The following SHCBP1L variants were observed in gnomAD, a reference collection of about 807,000 sequenced individuals.
SHCBP1L encodes testicular spindle-associated protein SHCBP1L.
A neutral mutation model predicts 62.5 loss-of-function variants in SHCBP1L; 67 were observed. That is an observed-to-expected ratio of 1.07 (90% CI 0.88 to 1.31). SHCBP1L has a LOEUF of 1.31. Ranked by LOEUF, SHCBP1L falls within the 40% of genes most tolerant of loss-of-function variation. SHCBP1L has a pLI of 0.00. For missense variants in SHCBP1L, 823 were observed against 809.8 expected (o/e 1.02, Z -0.20); for synonymous variants, 284 against 289.4 (o/e 0.98, Z 0.19).
intron 5 of SHCBP1L, 67 bp from the exon 6 acceptor site, chr1:182,929,819 A>G: frequency 8.9e-7 from 1 of 1,127,250 alleles, no homozygotes; most frequent in Non-Finnish European, 1.3e-6. Context: ...CCTTACTTGT[A>G]AATAAAAACT....
chr1:182,910,074 G>C (rs1650131082), intron 6 of SHCBP1L, among the ~76,000 whole-genome samples: 1 of 152,226 alleles, frequency 6.6e-6, no homozygotes, highest in South Asian at 2.1e-4. Flanking sequence ...TCAGGAAGGA[G>C]AGAGTAGAGA....
rs114407636 is a variant in SHCBP1L at position 182,933,753 on chromosome 1, G to A, written c.1077-4001C>T. 2.4e-3 allele frequency among the ~76,000 whole-genome samples: 370 copies of A among 152,128 alleles called. 2 individuals are homozygous for A. The highest frequency in any genetic ancestry group is 3.7e-3 in the Non-Finnish European group (249 of 67,976). ...CTCCATTTGTTAGTATTTTGTTGAG[G>A]ATTTTGTATCTATATTCATTAGTGA... On this transcript the variant is annotated intron_variant, in intron 5 of 9. Transcript: ENST00000367547.
At chr1:182,942,450 G>A (rs934285957) in intron 2 of SHCBP1L, 7 of 673,874 alleles carry the variant, frequency 1.0e-5, no homozygotes, top group Non-Finnish European at 1.6e-5. Flanking sequence ...GCCGTGGCGC[G>A]CCGAGAGCCT....
chr1:182,923,055 C>T (rs990938382), intron 6 of SHCBP1L, among the ~76,000 whole-genome samples: 13 of 152,080 alleles, frequency 8.5e-5, no homozygotes, highest in Admixed American at 3.3e-4. Flanking sequence ...GACATTACTA[C>T]TGACACCACA....
At chr1:182,931,938 C>A (rs1014096360) in intron 5 of SHCBP1L, among the ~76,000 whole-genome samples, 4 of 127,760 alleles carry the variant, frequency 3.1e-5, no homozygotes, top group Admixed American at 7.6e-5. Flanking sequence ...ACTTGGGAAC[C>A]ACTGATTTTT....
chr1:182,907,406 C>T (rs148290560), intron 6 of SHCBP1L, among the ~76,000 whole-genome samples: 5,796 of 144,458 alleles, frequency 0.04, 290 homozygotes, highest in African/African-American at 0.11. Flanking sequence ...GCACTCCAGC[C>T]TGGGCAACAA....
chr1:182,932,126 T>A (rs1651024977), intron 5 of SHCBP1L, among the ~76,000 whole-genome samples: 1 of 151,648 alleles, frequency 6.6e-6, no homozygotes, highest in African/African-American at 2.4e-5. Context: ...TTTTTAGTGC[T>A]GAATAACATT....
At position 182,952,841 on chromosome 1, in the gene SHCBP1L, T is replaced by G. The variant is rs750125299; in HGVS notation, c.293A>C (p.Glu98Ala). Residue 98 changes from glutamate (E) to alanine (A), a missense_variant, in exon 1 of 10, where the codon GAG becomes GCG. Glu to Ala is a moderately radical substitution (Grantham distance 107). Coordinates refer to ENST00000367547, the MANE Select transcript of SHCBP1L (RefSeq NM_030933.4). Reference sequence around the variant, plus strand: ...CAGGGGCTGCGCCTCCTCTTCATCCTCAGGCACTGGCAGCAGGGGCTCCTC... The same window carrying G: ...CAGGGGCTGCGCCTCCTCTTCATCCGCAGGCACTGGCAGCAGGGGCTCCTC... The part of the protein sequence containing the change: ...AAEEPLLPVP[E>A]DEEEAQPLPP... The G allele has an allele frequency of 1.9e-5, 30 of 1,611,464 alleles. No individual in the cohort carries two copies. Among genetic ancestry groups the G allele is most frequent in the Admixed American group, 3.3e-5 (2 of 59,874 alleles).
chr1:182,945,647 G>C (rs1364544774), intron 2 of SHCBP1L, among the ~76,000 whole-genome samples: 1 of 152,204 alleles, frequency 6.6e-6, no homozygotes, highest in Non-Finnish European at 1.5e-5. Flanking sequence ...ATTTGAAAAT[G>C]TATTTTTTCT....
chr1:182,901,559 A>G (rs948251962), intron 9 of SHCBP1L, among the ~76,000 whole-genome samples: 1 of 152,244 alleles, frequency 6.6e-6, no homozygotes, highest in Non-Finnish European at 1.5e-5. Context: ...AATATAATGT[A>G]TAAGAGGAAG....
At chr1:182,943,243 A>G (rs1651430504) in intron 2 of SHCBP1L, among the ~76,000 whole-genome samples, 1 of 147,860 alleles carries the variant, frequency 6.8e-6, no homozygotes, top group Admixed American at 6.8e-5. Context: ...CAGCCTCCCA[A>G]TTAGCTAGGA....
chr1:182,951,588 T>C (rs1436071212), intron 1 of SHCBP1L, 121 bp from the exon 2 acceptor site: 25 of 611,784 alleles, frequency 4.1e-5, no homozygotes, highest in Non-Finnish European at 5.2e-5. Context: ...CCTTAAATAA[T>C]GAATGACCTG....
intron 6 of SHCBP1L, among the ~76,000 whole-genome samples, chr1:182,910,418 T>C (rs1650141820): frequency 6.6e-6 from 1 of 152,204 alleles, no homozygotes; most frequent in Admixed American, 6.5e-5. Context: ...GTTCTCAAAA[T>C]ACTATGGTTG....
intron 6 of SHCBP1L, among the ~76,000 whole-genome samples, chr1:182,915,448 C>T (rs559518295): frequency 6.6e-6 from 1 of 152,136 alleles, no homozygotes; most frequent in South Asian, 2.1e-4. Context: ...TGAAGTAAAA[C>T]ATTCACAGAA....
At chr1:182,934,020 C>T (rs1169845727) in intron 5 of SHCBP1L, among the ~76,000 whole-genome samples, 1 of 152,078 alleles carries the variant, frequency 6.6e-6, no homozygotes, top group Non-Finnish European at 1.5e-5. Flanking sequence ...TGTTATAGAG[C>T]CAGTCAGAAT....
At chr1:182,920,457 G>A (rs866956393) in intron 6 of SHCBP1L, among the ~76,000 whole-genome samples, 2 of 152,076 alleles carry the variant, frequency 1.3e-5, no homozygotes, top group Non-Finnish European at 2.9e-5. Flanking sequence ...AAGGAACATC[G>A]GCCCAAGCAG....
intron 2 of SHCBP1L, among the ~76,000 whole-genome samples, chr1:182,946,046 C>A (rs1651555724): frequency 7.0e-6 from 1 of 143,432 alleles, no homozygotes; most frequent in Non-Finnish European, 1.5e-5. Context: ...GGCAACAGAG[C>A]AAGACTCCGT....
chr1:182,918,070 A>C (rs72727054), intron 6 of SHCBP1L, among the ~76,000 whole-genome samples: 5,587 of 149,660 alleles, frequency 0.037, 158 homozygotes, highest in African/African-American at 0.084. Flanking sequence ...CTCTCTCTCT[A>C]TATATATATG....
chr1:182,905,369 C>A, intron 7 of SHCBP1L, 127 bp downstream of exon 7: 3 of 968,070 alleles, frequency 3.1e-6, no homozygotes, highest in South Asian at 1.8e-5. Context: ...ATAAAATGAA[C>A]ATAAAGGATT....
Sources: gnomAD v4.1 joint callset for allele counts (sites outside exome capture counted in the v4.1 genomes callset) on GRCh38, gnomAD v4.1.1 for gene constraint, MANE v1.5 for transcripts, NCBI Gene and HGNC (gene_info 2026-07-23, HGNC 2026-07-21) for gene names.